NRXN2: variants seen among roughly 807,000 people sequenced by gnomAD.
The protein encoded by NRXN2 is neurexin-2-beta.
NRXN2 carries 29 observed loss-of-function variants against 128.8 expected under a neutral mutation model. The observed-to-expected ratio is 0.23, with a 90% confidence interval of 0.17 to 0.31. NRXN2 has a LOEUF of 0.31. NRXN2 is among the 10% of genes least tolerant of loss of function. NRXN2 has a pLI of 1.00. For synonymous variants in NRXN2, 1,098 were observed against 1,075.2 expected (o/e 1.02, Z -0.41); for missense variants, 1,881 against 2,452.6 (o/e 0.77, Z 4.92).
chr11:64,607,338 CCCTCAT>C lies in NRXN2; in HGVS notation c.4991_4996del (p.Asp1664_Glu1665del). The C allele has an allele frequency of 6.2e-7, 1 of 1,614,014 alleles. No homozygotes were observed. The highest frequency in any genetic ancestry group is 8.5e-7 in the Non-Finnish European group (1 of 1,179,980). Reference sequence around the variant, plus strand: ...TCGGCTCTGGTCCACCTGGTAGGAGCCCTCATCACGATTGCGGTACTTATACATGGC... The same window carrying C: ...TCGGCTCTGGTCCACCTGGTAGGAGCCACGATTGCGGTACTTATACATGGC... On this transcript the variant is annotated inframe_deletion, in exon 23 of 23. Transcript: ENST00000265459.
chr11:64,696,528 TACACACAC>T (rs58158687), intron 3 of NRXN2, among the ~76,000 whole-genome samples: 34 of 138,862 alleles, frequency 2.4e-4, no homozygotes, highest in East Asian at 4.2e-4. Context: ...CATACATACA[TACACACAC>T]ACACACACAC....
At chr11:64,610,399 G>C (rs1013662772) in intron 22 of NRXN2, among the ~76,000 whole-genome samples, 6 of 152,288 alleles carry the variant, frequency 3.9e-5, no homozygotes, top group African/African-American at 1.2e-4. Context: ...TAGGTGCCCA[G>C]CAAGGTGAGT....
intron 9 of NRXN2, among the ~76,000 whole-genome samples, chr11:64,666,186 T>C (rs1242225508): frequency 6.6e-6 from 1 of 151,598 alleles, no homozygotes; most frequent in Non-Finnish European, 1.5e-5. Flanking sequence ...GGGTGCTCAG[T>C]AACTGCTGAG....
intron 5 of NRXN2, among the ~76,000 whole-genome samples, chr11:64,689,367 G>A (rs1235674107): frequency 6.6e-6 from 1 of 151,922 alleles, no homozygotes; most frequent in East Asian, 1.9e-4. Flanking sequence ...ACCGTGCCTG[G>A]CCTCAATGAA....
intron 1 of NRXN2, among the ~76,000 whole-genome samples, chr11:64,717,921 A>C (rs922450361): frequency 6.6e-6 from 1 of 152,086 alleles, no homozygotes; most frequent in Non-Finnish European, 1.5e-5. Context: ...TTCACAGGGG[A>C]CATAGCTCTC....
chr11:64,721,704 C>T (rs972802376), intron 1 of NRXN2, among the ~76,000 whole-genome samples: 1 of 152,076 alleles, frequency 6.6e-6, no homozygotes, highest in Non-Finnish European at 1.5e-5. Context: ...TAATGTCCAC[C>T]CTCCTCCAAA....
intron 4 of NRXN2, 42 bp from the exon 5 acceptor site, chr11:64,690,518 A>T: frequency 6.5e-7 from 1 of 1,547,474 alleles, no homozygotes; most frequent in Non-Finnish European, 8.9e-7. Context: ...GGGGGTACCG[A>T]GCCAGTCCCT....
chr11:64,696,528 T>C (rs11231857), intron 3 of NRXN2, among the ~76,000 whole-genome samples: 46 of 138,862 alleles, frequency 3.3e-4, no homozygotes, highest in East Asian at 1.1e-3. Context: ...CATACATACA[T>C]ACACACACAC....
intron 1 of NRXN2, among the ~76,000 whole-genome samples, chr11:64,718,303 G>A (rs1225900668): frequency 1.3e-5 from 2 of 152,014 alleles, no homozygotes; most frequent in Admixed American, 6.6e-5. Context: ...ACAAACACAC[G>A]CCCATACACA....
chr11:64,701,958 G>A (rs1221939619), intron 2 of NRXN2, among the ~76,000 whole-genome samples: 11 of 143,816 alleles, frequency 7.6e-5, no homozygotes, highest in African/African-American at 1.8e-4. Flanking sequence ...GAGGTGGGGG[G>A]GTCAGCCCCC....
rs775960950 is a variant in NRXN2, at chr11:64,653,731, G to A, written c.2390-9C>T. 4 of 1,588,228 alleles carry A rather than the reference G, an allele frequency of 2.5e-6. No homozygotes were observed. Among genetic ancestry groups the A allele is most frequent in the South Asian group, 1.2e-5 (1 of 86,802 alleles). ...GCCGACGCGCAGGCAGTCTGGGGGG[G>A]CCATGGGGCGGGCAGAGGGGAAGGG... On this transcript the variant is annotated splice_polypyrimidine_tract_variant and intron_variant, in intron 11 of 22. Coordinates refer to ENST00000265459, the MANE Select transcript of NRXN2 (RefSeq NM_015080.4).
chr11:64,634,583 G>C (rs1317641574), intron 18 of NRXN2, among the ~76,000 whole-genome samples: 2 of 152,108 alleles, frequency 1.3e-5, no homozygotes, highest in Non-Finnish European at 2.9e-5. Context: ...AGGGGCTAGG[G>C]CTTCTCCCTG....
chr11:64,680,167 A>T (rs2052001233), intron 6 of NRXN2, among the ~76,000 whole-genome samples: 2 of 152,220 alleles, frequency 1.3e-5, no homozygotes, highest in African/African-American at 4.8e-5. Context: ...GGCAGAAAGG[A>T]GAGCCTCGGG....
chr11:64,648,760 A>T lies in NRXN2; in HGVS notation c.3257T>A (p.Ile1086Asn). 1 of 1,614,006 alleles carries T rather than the reference A, an allele frequency of 6.2e-7. No individual in the cohort carries two copies. ...PDLIADALHR[I>N]GQVERGCDGP... ...ATCACAGCCCCTCTCCACCTGCCCA[A>T]TGCGGTGCAGGGCGTCGGCGATGAG... Residue 1086 changes from isoleucine (I) to asparagine (N), a missense_variant, in exon 16 of 23, where the codon ATT (isoleucine) becomes AAT (asparagine). Ile to Asn is a moderately radical substitution (Grantham distance 149, BLOSUM62 -3). This residue lies in a region of NRXN2 where 390 missense variants were observed against 599.6 expected (regional missense o/e 0.65). Coordinates refer to ENST00000265459, the MANE Select transcript of NRXN2 (RefSeq NM_015080.4). The surrounding 1 kb of genome is among the most constrained non-coding windows in gnomAD (Gnocchi z 4.1).
intron 3 of NRXN2, among the ~76,000 whole-genome samples, chr11:64,696,528 T>TACATACAC (rs147882738): frequency 7.2e-6 from 1 of 138,772 alleles, no homozygotes; most frequent in African/African-American, 2.7e-5. Context: ...CATACATACA[T>TACATACAC]ACACACACAC....
chr11:64,676,983 T>G lies in NRXN2; in HGVS notation c.1197+10A>C, dbSNP rs1472799872. On this transcript the variant is annotated intron_variant, in intron 7 of 22. Transcript: ENST00000265459. ...AAACCAAACGGTAAGACAATTAGAG[T>G]GATATCTACCAGATAATGCAGTTTG... The G allele has an allele frequency of 2.5e-6, 4 of 1,607,976 alleles. No homozygotes were observed. The highest frequency in any genetic ancestry group is 2.5e-6 in the Non-Finnish European group (3 of 1,177,676).
intron 3 of NRXN2, among the ~76,000 whole-genome samples, chr11:64,695,717 T>A (rs2135597328): frequency 6.6e-6 from 1 of 151,892 alleles, no homozygotes; most frequent in African/African-American, 2.4e-5. Flanking sequence ...CCTAGGTGTG[T>A]ATACACACAC....
intron 4 of NRXN2, among the ~76,000 whole-genome samples, chr11:64,690,681 C>G (rs2053688869): frequency 6.6e-6 from 1 of 152,082 alleles, no homozygotes. Context: ...CCCACAGACC[C>G]CATCAGATTC....
chr11:64,608,144 G>A (rs1174985296), intron 22 of NRXN2, 62 bp from the exon 23 acceptor site: 1 of 1,250,326 alleles, frequency 8.0e-7, no homozygotes. Flanking sequence ...GCAGGCGGCC[G>A]GCACAGAGAG....
Sources: gnomAD v4.1 joint callset for allele counts (sites outside exome capture counted in the v4.1 genomes callset) on GRCh38, gnomAD v4.1.1 for gene constraint, gnomAD v4.1.1 regional missense constraint, Gnocchi (gnomAD v3.1) non-coding constraint, MANE v1.5 for transcripts, NCBI Gene and HGNC (gene_info 2026-07-23, HGNC 2026-07-21) for gene names.